The following POLK variants were observed in gnomAD, a reference collection of about 807,000 sequenced individuals.
POLK encodes DNA polymerase kappa.
A neutral mutation model predicts 94.0 loss-of-function variants in POLK; 76 were observed. The ratio of observed to expected loss-of-function variants is 0.81; its 90% CI spans 0.67 to 0.98. POLK has a LOEUF of 0.98. POLK is among the 50% of genes least tolerant of loss of function. POLK has a pLI of 0.00. For synonymous variants in POLK, 349 were observed against 325.4 expected, an observed-to-expected ratio of 1.07 and a Z score of -0.78; for missense variants, 954 against 1,010.1, an observed-to-expected ratio of 0.94 and a Z score of 0.75.
chr5:75,590,406 A>C, exon 11 of POLK: 1 of 1,609,908 alleles, frequency 6.2e-7, no homozygotes, highest in East Asian at 2.2e-5. Flanking sequence ...CTTTGCAGTG[A>C]GCTTGCTCAG....
At chr5:75,596,487 A>T in exon 13 of POLK, 1 of 1,614,076 alleles carries the variant, frequency 6.2e-7, no homozygotes, top group Non-Finnish European at 8.5e-7. Context: ...CATCACAACC[A>T]TTCCAAGTTT....
intron 9 of POLK, among the ~76,000 whole-genome samples, chr5:75,586,705 A>G (rs1363878034): frequency 6.6e-6 from 1 of 152,198 alleles, no homozygotes; most frequent in Non-Finnish European, 1.5e-5. Flanking sequence ...ACTGGAAGAT[A>G]TTACGCTATC....
At chr5:75,570,873 C>G (rs1045351076) in intron 4 of POLK, among the ~76,000 whole-genome samples, 2 of 152,236 alleles carry the variant, frequency 1.3e-5, no homozygotes, top group Admixed American at 6.5e-5. Context: ...TTTTTTATCT[C>G]TGCCTCTGTG....
chr5:75,599,726 C>G (rs1773253615), exon 15 of POLK: 1 of 152,046 alleles, frequency 6.6e-6, no homozygotes, highest in South Asian at 2.1e-4. Context: ...AGAATAAATG[C>G]TAAATTATTT....
At chr5:75,588,337 A>G (rs1172563484) in intron 10 of POLK, among the ~76,000 whole-genome samples, 3 of 152,242 alleles carry the variant, frequency 2.0e-5, no homozygotes, top group African/African-American at 7.2e-5. Flanking sequence ...TATAGAAAGA[A>G]CTCATAATCA....
At chr5:75,560,618 A>G (rs934552995) in intron 3 of POLK, among the ~76,000 whole-genome samples, 2 of 152,082 alleles carry the variant, frequency 1.3e-5, no homozygotes, top group African/African-American at 2.4e-5. Flanking sequence ...TGCTGCACCT[A>G]TCAACCCATC....
chr5:75,512,198 C>T (rs1768073309), intron 1 of POLK: 1 of 172,890 alleles, frequency 5.8e-6, no homozygotes. Flanking sequence ...CAAGGGTTTT[C>T]TTTCCACCAG....
At chr5:75,555,437 G>T (rs1019232315) in intron 3 of POLK, among the ~76,000 whole-genome samples, 1 of 151,940 alleles carries the variant, frequency 6.6e-6, no homozygotes, top group Non-Finnish European at 1.5e-5. Context: ...TTTTACTTAT[G>T]CAGTGTAATG....
chr5:75,575,936 G>T (rs1486036522), intron 5 of POLK, among the ~76,000 whole-genome samples: 2 of 151,934 alleles, frequency 1.3e-5, no homozygotes, highest in Admixed American at 6.6e-5. Flanking sequence ...TTGAGGCAGG[G>T]TCTCACTCTG....
At chr5:75,559,566 C>G (rs1286627918) in intron 3 of POLK, among the ~76,000 whole-genome samples, 1 of 111,568 alleles carries the variant, frequency 9.0e-6, no homozygotes, top group Non-Finnish European at 1.7e-5. Flanking sequence ...CAGGGTCTCT[C>G]TCTGTCACCC....
chr5:75,543,455 A>T (rs1769857253), intron 1 of POLK, among the ~76,000 whole-genome samples: 1 of 152,160 alleles, frequency 6.6e-6, no homozygotes, highest in South Asian at 2.1e-4. Flanking sequence ...GGGGTCAACG[A>T]TGACTCCTGG....
At position 75,569,502 on chromosome 5, in the gene POLK, G is replaced by C; in HGVS notation, c.408+10G>C. ...ATCAATGAGTATGCTGGTAAGTAAA[G>C]ATCAAATACAAAAAGGAAATTTTAT... On this transcript the variant is annotated intron_variant, in intron 4 of 14. Transcript: ENST00000241436. 1 of 1,595,204 alleles carries C rather than the reference G, an allele frequency of 6.3e-7. No individual in the cohort carries two copies. Among genetic ancestry groups the C allele is most frequent in the Non-Finnish European group, 8.5e-7 (1 of 1,172,752 alleles).
At chr5:75,601,655 C>T (rs1238949490), downstream of POLK, among the ~76,000 whole-genome samples, 1 of 152,180 alleles carries the variant, frequency 6.6e-6, no homozygotes, top group Admixed American at 6.5e-5. Context: ...CCTTGAACAT[C>T]AGACTCCAAG....
In POLK at chr5:75,573,730, T is replaced by C; in HGVS notation, c.409-8T>C. The C allele has an allele frequency of 6.2e-7, 1 of 1,611,420 alleles. No individual in the cohort carries two copies. Among genetic ancestry groups the C allele is most frequent in the Non-Finnish European group, 8.5e-7 (1 of 1,177,694 alleles). ...GTATTTTTTTCCATGTGGTCAATTT[T>C]CTTTCAGTCTACTTCAAATTACCAT... is the stretch of plus-strand genomic sequence containing the variant. On this transcript the variant is annotated splice_region_variant and splice_polypyrimidine_tract_variant and intron_variant, in intron 4 of 14. Coordinates refer to ENST00000241436, the Ensembl canonical transcript of POLK.
intron 1 of POLK, among the ~76,000 whole-genome samples, chr5:75,544,451 G>A (rs1769906525): frequency 6.6e-6 from 1 of 152,114 alleles, no homozygotes; most frequent in African/African-American, 2.4e-5. Flanking sequence ...AGACCAGCCT[G>A]GCTAACATGA....
intron 3 of POLK, among the ~76,000 whole-genome samples, chr5:75,553,870 C>T (rs5744616): frequency 0.054 from 8,292 of 152,226 alleles, 464 homozygotes; most frequent in African/African-American, 0.14. Flanking sequence ...TAAATAAGAG[C>T]TGCTTTCTTT....
At chr5:75,607,732 A>G in the POLK span, among the ~76,000 whole-genome samples, 2 of 152,230 alleles carry the variant, frequency 1.3e-5, no homozygotes, top group Non-Finnish European at 2.9e-5. Flanking sequence ...TTCACAAGAA[A>G]CAAATTAAAA....
In POLK at chr5:75,590,338, T is replaced by C. The variant is rs2112864195; in HGVS notation, c.1260-6T>C. The stretch of plus-strand genomic sequence containing the variant: ...TTGTGCGCCAAAATTATTCTTGTCT[T>C]TCTAGGACATTCAGTGAGATAAATA... On this transcript the variant is annotated splice_region_variant and splice_polypyrimidine_tract_variant and intron_variant, in intron 10 of 14. Coordinates refer to ENST00000241436, the Ensembl canonical transcript of POLK. The C allele has an allele frequency of 1.3e-6, 2 of 1,539,830 alleles. No individual in the cohort carries two copies. Among genetic ancestry groups the C allele is most frequent in the East Asian group, 2.3e-5 (1 of 44,320 alleles).
At chr5:75,518,757 A>T (rs1768433198) in intron 1 of POLK, among the ~76,000 whole-genome samples, 2 of 152,068 alleles carry the variant, frequency 1.3e-5, no homozygotes, top group African/African-American at 4.8e-5. Flanking sequence ...TATTATTGTA[A>T]ACTTCTCTCT....
Sources: gnomAD v4.1 joint callset for allele counts (sites outside exome capture counted in the v4.1 genomes callset) on GRCh38, gnomAD v4.1.1 for gene constraint, MANE v1.5 for transcripts, NCBI Gene and HGNC (gene_info 2026-07-23, HGNC 2026-07-21) for gene names.